Variants in OIT3 observed in about 807,000 individuals in gnomAD.
OIT3 encodes the protein oncoprotein induced transcript 3, also known as oncoprotein-induced transcript 3 protein.
A neutral mutation model predicts 52.2 loss-of-function variants in OIT3; 41 were observed. That is an observed-to-expected ratio of 0.79 (90% CI 0.61 to 1.02). The LOEUF is 1.02. OIT3 is among the 50% of genes least tolerant of loss of function. The pLI, the probability that OIT3 is intolerant of heterozygous loss-of-function variation, is 0.00. For synonymous variants in OIT3, 244 were observed against 276.9 expected (o/e 0.88, Z 1.18); for missense variants, 634 against 715.5 (o/e 0.89, Z 1.30).
At chr10:72,903,771 C>T (rs1845953721) in intron 3 of OIT3, among the ~76,000 whole-genome samples, 1 of 152,086 alleles carries the variant, frequency 6.6e-6, no homozygotes, top group Admixed American at 6.6e-5. Flanking sequence ...TTTTCTCTAG[C>T]AGGTACCCAT....
intron 3 of OIT3, among the ~76,000 whole-genome samples, chr10:72,904,786 T>G (rs905343218): frequency 7.8e-6 from 1 of 127,786 alleles, no homozygotes; most frequent in East Asian, 3.7e-4. Flanking sequence ...TCTGTTGTAG[T>G]TTTTTCTGTA....
At chr10:72,901,041 T>C (rs7911269) in intron 3 of OIT3, among the ~76,000 whole-genome samples, 38,144 of 152,068 alleles carry the variant, frequency 0.25, 11,002 homozygotes, top group African/African-American at 0.71. Flanking sequence ...GCTCTCTAGC[T>C]TGGGTGAAAG....
chr10:72,902,030 C>A lies in OIT3; in HGVS notation c.544+1546C>A, dbSNP rs138927622. On this transcript the variant is annotated intron_variant, in intron 3 of 8. Transcript: ENST00000334011. ...CTCCAGCCAGGGCGAAAGAGCAAGA[C>A]CCTGTCTCTGAAAAACAAAACAAAA... Among the ~76,000 whole-genome samples, 353 of 152,198 alleles carry A rather than the reference C, an allele frequency of 2.3e-3. 3 individuals are homozygous for A. The highest frequency in any genetic ancestry group is 7.8e-3 in the African/African-American group (325 of 41,542).
At chr10:72,917,619 T>C (rs1433970909) in intron 6 of OIT3, 25 of 806,276 alleles carry the variant, frequency 3.1e-5, no homozygotes, top group Non-Finnish European at 5.4e-5. Context: ...TTTTAACAAA[T>C]TGTTTAAACT....
At chr10:72,930,676 A>C in intron 8 of OIT3, 39 bp downstream of exon 8, 17 of 822,986 alleles carry the variant, frequency 2.1e-5, no homozygotes, top group African/African-American at 3.7e-5. Flanking sequence ...CCTGAACCTG[A>C]GCCTTTTTTT....
intron 4 of OIT3, among the ~76,000 whole-genome samples, chr10:72,907,533 G>A (rs1845991369): frequency 1.3e-5 from 2 of 152,142 alleles, no homozygotes; most frequent in South Asian, 4.1e-4. Flanking sequence ...AAGCACCTGG[G>A]GCTTTTACGC....
At chr10:72,896,248 C>G (rs1017041571) in intron 1 of OIT3, among the ~76,000 whole-genome samples, 3 of 152,128 alleles carry the variant, frequency 2.0e-5, no homozygotes, top group Non-Finnish European at 2.9e-5. Flanking sequence ...AGTATCTAAC[C>G]ATTTCTTATA....
chr10:72,930,650 T>C lies in OIT3; in HGVS notation c.1467+13T>C, dbSNP rs1846208386. The C allele has an allele frequency of 1.5e-6, 2 of 1,362,818 alleles. No homozygotes were observed. The highest frequency in any genetic ancestry group is 2.1e-6 in the Non-Finnish European group (2 of 956,306). 84.4% of individuals were successfully genotyped at this position (1,362,818 alleles called of 1,614,324 possible). On this transcript the variant is annotated intron_variant, in intron 8 of 8. Transcript: ENST00000334011. ...CAAAGACCACAAGGTGAGTTGAACA[T>C]CTTTAATTTATAACCCCTGAACCTG...
At chr10:72,901,528 G>T (rs986205747) in intron 3 of OIT3, among the ~76,000 whole-genome samples, 4 of 152,126 alleles carry the variant, frequency 2.6e-5, no homozygotes, top group African/African-American at 9.7e-5. Context: ...GCCCTACCCT[G>T]GTCCCCCAAG....
intron 6 of OIT3, 32 bp downstream of exon 6, chr10:72,913,500 G>A (rs1846048749): frequency 1.9e-6 from 3 of 1,570,664 alleles, no homozygotes; most frequent in Non-Finnish European, 2.6e-6. Flanking sequence ...CTTGGGGAAT[G>A]ACCAAAAGCC....
chr10:72,902,166 G>A (rs1305131744), intron 3 of OIT3, among the ~76,000 whole-genome samples: 2 of 152,158 alleles, frequency 1.3e-5, no homozygotes, highest in Non-Finnish European at 2.9e-5. Context: ...GATCTCGTGT[G>A]ATTGATTTTG....
Position 72,930,638 on chromosome 10 carries a change from G to A in OIT3, c.1467+1G>A, listed in dbSNP as rs765531659. 4 of 1,577,576 alleles carry A rather than the reference G, an allele frequency of 2.5e-6. No individual in the cohort carries two copies. The highest frequency in any genetic ancestry group is 3.5e-6 in the Non-Finnish European group (4 of 1,148,546). On this transcript the variant is annotated splice_donor_variant, in intron 8 of 8. Coordinates refer to ENST00000334011, the MANE Select transcript of OIT3 (RefSeq NM_152635.3). LOFTEE classifies it high-confidence loss of function. Reference sequence around the variant, plus strand: ...CAAGTTTGTGGGCAAAGACCACAAGGTGAGTTGAACATCTTTAATTTATAA... The same window carrying A: ...CAAGTTTGTGGGCAAAGACCACAAGATGAGTTGAACATCTTTAATTTATAA...
chr10:72,932,583 C>A lies in OIT3; in HGVS notation c.*59C>A, dbSNP rs867244150. 1.4e-6 allele frequency: 2 copies of A among 1,461,780 alleles called. No homozygotes were observed. Among genetic ancestry groups the A allele is most frequent in the Non-Finnish European group, 9.2e-7 (1 of 1,083,136 alleles). 90.6% of individuals were successfully genotyped at this position (1,461,780 alleles called of 1,614,324 possible). The stretch of plus-strand genomic sequence containing the variant: ...GGCTCTGCTCTTTGGAGCTTCTCCC[C>A]CCACCGCCCTCTAAGAACATCTGCC... On this transcript the variant is annotated 3_prime_UTR_variant, in exon 9 of 9. Coordinates refer to ENST00000334011, the MANE Select transcript of OIT3 (RefSeq NM_152635.3).
intron 6 of OIT3, among the ~76,000 whole-genome samples, chr10:72,914,787 C>T (rs575293998): frequency 5.3e-4 from 80 of 152,312 alleles, no homozygotes; most frequent in African/African-American, 1.9e-3. Context: ...TTTGAATTCG[C>T]TGATTCTGCA....
intron 4 of OIT3, among the ~76,000 whole-genome samples, chr10:72,907,033 G>A (rs1488798186): frequency 6.6e-6 from 1 of 152,186 alleles, no homozygotes; most frequent in Non-Finnish European, 1.5e-5. Flanking sequence ...TTGGGAGGCT[G>A]AAGTGGGAGG....
At chr10:72,894,664 G>A (rs1005873703) in intron 1 of OIT3, among the ~76,000 whole-genome samples, 12 of 152,130 alleles carry the variant, frequency 7.9e-5, no homozygotes, top group Non-Finnish European at 1.5e-4. Flanking sequence ...GATCACCTGA[G>A]GTCAGGAGTT....
rs144807491 is a variant in OIT3 at position 72,924,610 on chromosome 10, G to A, written c.1333G>A (p.Asp445Asn). ...CTTTGCCACCCCCACCTCCAAGATC[G>A]ACGAGGTCCTGAAATACTACCTCAT... Reference protein sequence around the residue: ...SCFATPTSKIDEVLKYYLIRD... With the variant: ...SCFATPTSKINEVLKYYLIRD... Residue 445 changes from aspartate (D) to asparagine (N), a missense_variant, in exon 7 of 9, where the codon GAC (aspartate) becomes AAC (asparagine). Coordinates refer to ENST00000334011, the MANE Select transcript of OIT3 (RefSeq NM_152635.3). 5 of 1,613,372 alleles carry A rather than the reference G, an allele frequency of 3.1e-6. No homozygotes were observed. The South Asian group carries it at 4.4e-5, about 14-fold the overall frequency.
intron 7 of OIT3, among the ~76,000 whole-genome samples, chr10:72,927,613 T>C (rs1203351811): frequency 6.6e-6 from 1 of 152,190 alleles, no homozygotes; most frequent in Non-Finnish European, 1.5e-5. Context: ...ATCCCGTCTG[T>C]GGTGCTGTAC....
At chr10:72,929,596 A>C (rs1215433773) in intron 7 of OIT3, among the ~76,000 whole-genome samples, 1 of 151,272 alleles carries the variant, frequency 6.6e-6, no homozygotes, top group Non-Finnish European at 1.5e-5. Flanking sequence ...TTTTAGAGAC[A>C]AGGTCTTGCT....
Sources: gnomAD v4.1 joint callset for allele counts (sites outside exome capture counted in the v4.1 genomes callset) on GRCh38, gnomAD v4.1.1 for gene constraint, MANE v1.5 for transcripts, NCBI Gene and HGNC (gene_info 2026-07-23, HGNC 2026-07-21) for gene names.